The following SLC35F3 variants were observed in gnomAD, a reference collection of about 807,000 sequenced individuals.
SLC35F3 encodes the protein putative thiamine transporter SLC35F3.
In SLC35F3, 25 loss-of-function variants were observed where a neutral mutation model predicts 49.9. The observed-to-expected ratio is 0.50, with a 90% CI of 0.37 to 0.70. The LOEUF (loss-of-function observed/expected upper bound fraction) is 0.70. SLC35F3 is among the 30% of genes least tolerant of loss of function. The pLI is 0.00. For missense variants in SLC35F3, 525 were observed against 639.8 expected, an observed-to-expected ratio of 0.82 and a Z score of 1.94; for synonymous variants, 275 against 265.4, an observed-to-expected ratio of 1.04 and a Z score of -0.35.
intron 2 of SLC35F3, among the ~76,000 whole-genome samples, chr1:234,047,696 CAT>C (rs1364200395): frequency 2.9e-5 from 4 of 137,226 alleles, no homozygotes; most frequent in East Asian, 2.1e-4. Flanking sequence ...CACACACATA[CAT>C]ACACACACAC....
chr1:234,013,175 G>A (rs1262946365), intron 2 of SLC35F3, among the ~76,000 whole-genome samples: 2 of 152,038 alleles, frequency 1.3e-5, no homozygotes, highest in Non-Finnish European at 2.9e-5. Flanking sequence ...ATCAATAACA[G>A]GAGAAATCTT....
chr1:234,058,672 C>T (rs907464311), intron 2 of SLC35F3, among the ~76,000 whole-genome samples: 9 of 152,150 alleles, frequency 5.9e-5, no homozygotes, highest in East Asian at 3.9e-4. Flanking sequence ...ATTATTTTAT[C>T]GAGAATTTTT....
intron 3 of SLC35F3, among the ~76,000 whole-genome samples, chr1:234,271,892 A>G (rs896352679): frequency 2.6e-5 from 4 of 152,190 alleles, no homozygotes; most frequent in Non-Finnish European, 4.4e-5. Flanking sequence ...TGGGAGGCGA[A>G]GGTGGGTGGA....
chr1:234,058,332 T>TTTTTTA (rs1308398771), intron 2 of SLC35F3, among the ~76,000 whole-genome samples: 1 of 124,704 alleles, frequency 8.0e-6, no homozygotes, highest in African/African-American at 3.4e-5. Flanking sequence ...TCCTGAATTT[T>TTTTTTA]TTTTTTTTTT....
In SLC35F3 at chr1:234,258,521, C is replaced by T. The variant is rs547948723; in HGVS notation, c.608+26780C>T. Among the ~76,000 whole-genome samples, 6 of 152,336 alleles carry T rather than the reference C, an allele frequency of 3.9e-5. No homozygotes were observed. The East Asian group carries it at 9.6e-4, about 24-fold the overall frequency. Reference sequence around the variant, plus strand: ...CTAGGTCTTAGTGGAATTCAGGCCCCTCCCATAATTCTAATCTTGTGACCT... The same window carrying T: ...CTAGGTCTTAGTGGAATTCAGGCCCTTCCCATAATTCTAATCTTGTGACCT... On this transcript the variant is annotated intron_variant, in intron 3 of 7. Coordinates refer to ENST00000366618, the MANE Select transcript of SLC35F3 (RefSeq NM_173508.4).
At chr1:234,006,694 C>T (rs1663635641) in intron 2 of SLC35F3, among the ~76,000 whole-genome samples, 2 of 152,190 alleles carry the variant, frequency 1.3e-5, no homozygotes, top group South Asian at 4.1e-4. Flanking sequence ...TACTATGTTG[C>T]AGAAGCCAGC....
chr1:234,241,070 G>A (rs1408683276), intron 3 of SLC35F3, among the ~76,000 whole-genome samples: 3 of 152,206 alleles, frequency 2.0e-5, no homozygotes, highest in African/African-American at 7.2e-5. Flanking sequence ...AAACATGCTA[G>A]TGCCATACAG....
chr1:234,221,981 A>G (rs1223391644), intron 2 of SLC35F3, among the ~76,000 whole-genome samples: 1 of 152,214 alleles, frequency 6.6e-6, no homozygotes, highest in Non-Finnish European at 1.5e-5. Flanking sequence ...GCTTTGAGGA[A>G]TTGAGACCAG....
At chr1:234,029,548 G>A (rs909184376) in intron 2 of SLC35F3, among the ~76,000 whole-genome samples, 8 of 152,088 alleles carry the variant, frequency 5.3e-5, no homozygotes, top group Non-Finnish European at 1.0e-4. Flanking sequence ...TGTGGTTTGG[G>A]GAGACTACAT....
chr1:234,175,432 A>T (rs1031829676), intron 2 of SLC35F3, among the ~76,000 whole-genome samples: 5 of 152,190 alleles, frequency 3.3e-5, no homozygotes, highest in Non-Finnish European at 5.9e-5. Context: ...GGTTATTTAG[A>T]ACCATCCCAA....
chr1:234,316,731 C>A lies in SLC35F3; in HGVS notation c.954+4C>A, dbSNP rs143338613. On this transcript the variant is annotated splice_donor_region_variant and intron_variant, in intron 5 of 7. Coordinates refer to ENST00000366618, the MANE Select transcript of SLC35F3 (RefSeq NM_173508.4). ...ATCGATGTCTGCCCTCTACAAGGTA[C>A]GCCCGGGGAGTGAACTTTCTCAGCT... 7.1e-4 allele frequency: 1,141 copies of A among 1,601,712 alleles called. 28 individuals are homozygous for A. In the East Asian group the frequency reaches 0.025, roughly 36 times the overall value.
chr1:234,264,736 A>G (rs1035322740), intron 3 of SLC35F3, among the ~76,000 whole-genome samples: 4 of 152,122 alleles, frequency 2.6e-5, no homozygotes, highest in Non-Finnish European at 5.9e-5. Flanking sequence ...AATTTTTTGT[A>G]GAGATGGGGT....
intron 2 of SLC35F3, among the ~76,000 whole-genome samples, chr1:234,086,935 A>G (rs1664970733): frequency 6.6e-6 from 1 of 152,224 alleles, no homozygotes; most frequent in African/African-American, 2.4e-5. Context: ...GGCGTTAGCA[A>G]TTGAATTTCC....
chr1:234,026,076 A>G (rs562852008), intron 2 of SLC35F3, among the ~76,000 whole-genome samples: 1 of 152,080 alleles, frequency 6.6e-6, no homozygotes, highest in African/African-American at 2.4e-5. Context: ...CCCATTATGT[A>G]CTGTTGACTT....
At chr1:234,161,701 G>A (rs909844941) in intron 2 of SLC35F3, among the ~76,000 whole-genome samples, 4 of 152,216 alleles carry the variant, frequency 2.6e-5, no homozygotes, top group African/African-American at 9.7e-5. Context: ...AGCTACTAAG[G>A]AGGCTGAGGT....
chr1:234,154,931 A>G (rs927345128), intron 2 of SLC35F3, among the ~76,000 whole-genome samples: 2 of 151,520 alleles, frequency 1.3e-5, no homozygotes, highest in African/African-American at 4.9e-5. Flanking sequence ...ATTTGACTCC[A>G]GGACTCCCAG....
intron 2 of SLC35F3, among the ~76,000 whole-genome samples, chr1:234,121,382 C>T (rs946957172): frequency 1.3e-5 from 2 of 151,938 alleles, no homozygotes; most frequent in African/African-American, 4.8e-5. Context: ...TCGTGATCCG[C>T]CCGCCTCGGC....
intron 2 of SLC35F3, among the ~76,000 whole-genome samples, chr1:233,935,433 G>A (rs1662308553): frequency 6.6e-6 from 1 of 151,998 alleles, no homozygotes; most frequent in African/African-American, 2.4e-5. Context: ...ACCTTTGCCT[G>A]TATCCTGGAG....
chr1:234,194,619 TA>T (rs11353582), intron 2 of SLC35F3, among the ~76,000 whole-genome samples: 30,660 of 150,450 alleles, frequency 0.2, 5,136 homozygotes, highest in East Asian at 0.88. Context: ...ATTAATGCAA[TA>T]AAAAAAAAGA....
Sources: gnomAD v4.1 joint callset for allele counts (sites outside exome capture counted in the v4.1 genomes callset) on GRCh38, gnomAD v4.1.1 for gene constraint, MANE v1.5 for transcripts, NCBI Gene and HGNC (gene_info 2026-07-23, HGNC 2026-07-21) for gene names.